The following PCDHB8 variants were observed in gnomAD, a reference collection of about 807,000 sequenced individuals.
PCDHB8 encodes protocadherin beta-8.
For synonymous variants in PCDHB8, 385 were observed against 448.5 expected, an observed-to-expected ratio of 0.86 and a Z score of 1.79; for missense variants, 836 against 1,004.0, an observed-to-expected ratio of 0.83 and a Z score of 2.26.
Position 141,178,694 on chromosome 5 carries a change from T to C in PCDHB8, c.660T>C (p.Ser220=), listed in dbSNP as rs138148090. ...RLTLTALDGG[S]PPRSGTAQVY... ...CACTCACAGCACTGGATGGTGGCTC[T>C]CCGCCCAGATCTGGCACTGCTCAGG... The change falls in exon 1 of 1, where the codon TCT becomes TCC. Residue 220 remains serine (S), a synonymous_variant. Transcript: ENST00000239444. The C allele has an allele frequency of 3.1e-6, 5 of 1,604,476 alleles. No homozygotes were observed. The African/African-American group carries it at 6.7e-5, about 21-fold the overall frequency.
Position 141,179,046 on chromosome 5 carries a change from G to T in PCDHB8, c.1012G>T (p.Val338Leu). Residue 338 changes from valine (V) to leucine (L), a missense_variant, in exon 1 of 1, where the codon GTG becomes TTG. Physicochemically the swap from Val to Leu is conservative, Grantham distance 32. Transcript: ENST00000239444. ...TGGAAAATGCACCGTTCTGATTCAA[G>T]TGATAGATGTGAACGACCATGCCCC... Reference protein sequence around the residue: ...FSGKCTVLIQVIDVNDHAPEV... With the variant: ...FSGKCTVLIQLIDVNDHAPEV... 4.3e-6 allele frequency: 7 copies of T among 1,614,246 alleles called. No homozygotes were observed. Among genetic ancestry groups the T allele is most frequent in the Non-Finnish European group, 4.2e-6 (5 of 1,180,042 alleles).
chr5:141,180,300 C>A lies in PCDHB8; in HGVS notation c.2266C>A (p.Leu756Met), dbSNP rs1171916503. Residue 756 changes from leucine (L) to methionine (M), a missense_variant, in exon 1 of 1, where the codon CTG (leucine) becomes ATG (methionine). By Grantham distance (15) the Leu-to-Met change is conservative. Coordinates refer to ENST00000239444, the MANE Select transcript of PCDHB8 (RefSeq NM_019120.5). ...TCAGAACTATCAGTACGAGGTGTGC[C>A]TGGCAGGAGGCTCAGGGACGAATGA... ...LSQNYQYEVC[L>M]AGGSGTNEFQ... 6.2e-7 allele frequency: 1 copy of A among 1,613,926 alleles called. No individual in the cohort carries two copies. The highest frequency in any genetic ancestry group is 2.2e-5 in the East Asian group (1 of 44,882).
Position 141,179,957 on chromosome 5 carries a change from G to A in PCDHB8, c.1923G>A (p.Leu641=). ...AGCGCGACGCGGCCAAGCAGAGGCT[G>A]GTGGTGCTGGTCAAGGACAATGGCG... is the stretch of plus-strand genomic sequence containing the variant. The part of the protein sequence containing the change: ...LSERDAAKQR[L]VVLVKDNGEP... The change falls in exon 1 of 1, where the codon CTG becomes CTA. Residue 641 remains leucine (L), a synonymous_variant. Coordinates refer to ENST00000239444, the MANE Select transcript of PCDHB8 (RefSeq NM_019120.5). The A allele has an allele frequency of 5.0e-6, 8 of 1,608,646 alleles. No homozygotes were observed. Among genetic ancestry groups the A allele is most frequent in the Non-Finnish European group, 5.9e-6 (7 of 1,179,600 alleles).
At position 141,179,552 on chromosome 5, in the gene PCDHB8, C is replaced by T. The variant is rs1554281264; in HGVS notation, c.1518C>T (p.Ser506=). The T allele has an allele frequency of 6.2e-7, 1 of 1,613,714 alleles. No homozygotes were observed. The highest frequency in any genetic ancestry group is 1.3e-5 in the African/African-American group (1 of 74,934). Residue 506 remains serine, a synonymous_variant, in exon 1 of 1, where the codon TCC becomes TCT. Coordinates refer to ENST00000239444, the MANE Select transcript of PCDHB8 (RefSeq NM_019120.5). The part of the protein sequence containing the change: ...DPHLPLASLV[S]INTDNGHLFA... ...ACCTGCCCCTCGCCTCCCTGGTCTC[C>T]ATCAACACAGACAACGGCCACCTGT...
At position 141,179,883 on chromosome 5, in the gene PCDHB8, G is replaced by C. The variant is rs782043465; in HGVS notation, c.1849G>C (p.Gly617Arg). 5.6e-6 allele frequency: 9 copies of C among 1,609,544 alleles called. No individual in the cohort carries two copies. The highest frequency in any genetic ancestry group is 7.6e-6 in the Non-Finnish European group (9 of 1,179,686). The change falls in exon 1 of 1, where the codon GGT (glycine) becomes CGT (arginine). Residue 617 changes from glycine (G) to arginine (R), a missense_variant. Transcript: ENST00000239444. ...LLKATEPGLF[G>R]VWAHNGEVRT... ...CAAGGCCACGGAGCCCGGGCTGTTC[G>C]GTGTGTGGGCGCACAATGGCGAGGT...
chr5:141,179,882 C>T lies in PCDHB8; in HGVS notation c.1848C>T (p.Phe616=), dbSNP rs267600429. 9.3e-6 allele frequency: 15 copies of T among 1,609,628 alleles called. No homozygotes were observed. The South Asian group carries it at 1.5e-4, about 17-fold the overall frequency. ...TCAAGGCCACGGAGCCCGGGCTGTTCGGTGTGTGGGCGCACAATGGCGAGG... is the reference window on the plus strand; with the variant it reads ...TCAAGGCCACGGAGCCCGGGCTGTTTGGTGTGTGGGCGCACAATGGCGAGG... The part of the protein sequence containing the change: ...QLLKATEPGL[F]GVWAHNGEVR... Residue 616 remains phenylalanine, a synonymous_variant, in exon 1 of 1, where the codon TTC becomes TTT. Transcript: ENST00000239444.
At position 141,178,739 on chromosome 5, in the gene PCDHB8, T is replaced by C. The variant is rs782505336; in HGVS notation, c.705T>C (p.Asp235=). The change falls in exon 1 of 1, where the codon GAT becomes GAC. Residue 235 remains aspartate, a synonymous_variant. Transcript: ENST00000239444. Reference sequence around the variant, plus strand: ...CTCAGGTCTACATTGAAGTTGTCGATGTCAATGATAATGCCCCTGAATTTG... The same window carrying C: ...CTCAGGTCTACATTGAAGTTGTCGACGTCAATGATAATGCCCCTGAATTTG... ...GTAQVYIEVV[D]VNDNAPEFEQ... 3.6e-5 allele frequency: 57 copies of C among 1,578,094 alleles called. No individual in the cohort carries two copies. Among genetic ancestry groups the C allele is most frequent in the Non-Finnish European group, 4.7e-5 (54 of 1,149,634 alleles).
Position 141,180,452 on chromosome 5 carries a change from T to G in PCDHB8, c.*12T>G, listed in dbSNP as rs201411501. 49 of 1,477,004 alleles carry G rather than the reference T, an allele frequency of 3.3e-5. 1 individual carries two copies. The African/African-American group carries it at 3.6e-4, about 11-fold the overall frequency. The allele number at this position is 1,477,004 out of a possible 1,614,324, so 91.5% of individuals were successfully genotyped here. A position where few individuals can be genotyped will look rare whatever the true frequency, so the allele number is the denominator to read the frequency against. On this transcript the variant is annotated 3_prime_UTR_variant, in exon 1 of 1. Transcript: ENST00000239444. The stretch of plus-strand genomic sequence containing the variant: ...TTCAGTTAAAGTAATTGATTTCATA[T>G]TATATATTTTAATTTTTATGATCAA...
Position 141,180,433 on chromosome 5 carries a change from T to C in PCDHB8, c.2399T>C (p.Leu800Ser), listed in dbSNP as rs782123767. 1 of 1,567,334 alleles carries C rather than the reference T, an allele frequency of 6.4e-7. No individual in the cohort carries two copies. The highest frequency in any genetic ancestry group is 8.7e-7 in the Non-Finnish European group (1 of 1,153,984). ...AATGGCTTTGGTTTCAGCCTTCAGTTAAAGTAATTGATTTCATATTATATA... is the reference window on the plus strand; with the variant it reads ...AATGGCTTTGGTTTCAGCCTTCAGTCAAAGTAATTGATTTCATATTATATA... ...FRNGFGFSLQ[L>S]K The change falls in exon 1 of 1, where the codon TTA (leucine) becomes TCA (serine). Residue 800 changes from leucine (L) to serine (S), a missense_variant. By Grantham distance (145) the Leu-to-Ser change is moderately radical (BLOSUM62 -2). Transcript: ENST00000239444.
Position 141,178,597 on chromosome 5 carries a change from A to T in PCDHB8, c.563A>T (p.Asp188Val). Residue 188 changes from aspartate (D) to valine (V), a missense_variant, in exon 1 of 1, where the codon GAT becomes GTT. Coordinates refer to ENST00000239444, the MANE Select transcript of PCDHB8 (RefSeq NM_019120.5). ...CGGGTCCTCACCCGCAAACGCAGTGATGGCAGGAAATACCCAGAGCTGGTG... is the reference window on the plus strand; with the variant it reads ...CGGGTCCTCACCCGCAAACGCAGTGTTGGCAGGAAATACCCAGAGCTGGTG... ...YFRVLTRKRS[D>V]GRKYPELVLD... 2.5e-6 allele frequency: 4 copies of T among 1,613,902 alleles called. No individual in the cohort carries two copies. Among genetic ancestry groups the T allele is most frequent in the Non-Finnish European group, 3.4e-6 (4 of 1,179,906 alleles).
rs1366182181 is a variant in PCDHB8 at position 141,179,330 on chromosome 5, G to A, written c.1296G>A (p.Leu432=). 5 of 1,614,126 alleles carry A rather than the reference G, an allele frequency of 3.1e-6. No individual in the cohort carries two copies. The African/African-American group carries it at 4.0e-5, about 13-fold the overall frequency. Reference sequence around the variant, plus strand: ...TCACTGACTTAGGGACACCCAGGCTGACAACACATCTCAATATGACCGTGC... The same window carrying A: ...TCACTGACTTAGGGACACCCAGGCTAACAACACATCTCAATATGACCGTGC... The part of the protein sequence containing the change: ...ITVTDLGTPR[L]TTHLNMTVLV... The change falls in exon 1 of 1, where the codon CTG becomes CTA. Residue 432 remains leucine (L), a synonymous_variant. Transcript: ENST00000239444.
chr5:141,180,079 G>C lies in PCDHB8; in HGVS notation c.2045G>C (p.Gly682Ala), dbSNP rs149161573. Residue 682 changes from glycine to alanine, a missense_variant, in exon 1 of 1, where the codon GGC becomes GCC. Gly to Ala is a moderately conservative substitution (Grantham distance 60). Transcript: ENST00000239444. ...LPLPEAAPAQ[G>A]QADSLTVYLV... is the part of the protein sequence containing the mutation. Reference sequence around the variant, plus strand: ...CTTCCGGAGGCTGCCCCAGCCCAGGGCCAGGCCGACTCTCTCACCGTCTAC... The same window carrying C: ...CTTCCGGAGGCTGCCCCAGCCCAGGCCCAGGCCGACTCTCTCACCGTCTAC... The C allele has an allele frequency of 6.3e-5, 102 of 1,609,798 alleles. No individual in the cohort carries two copies. Among genetic ancestry groups the C allele is most frequent in the African/African-American group, 1.7e-4 (13 of 74,882 alleles).
Position 141,179,580 on chromosome 5 carries a change from G to T in PCDHB8, c.1546G>T (p.Ala516Ser), listed in dbSNP as rs1392257522. The change falls in exon 1 of 1, where the codon GCC becomes TCC. Residue 516 changes from alanine to serine, a missense_variant. Transcript: ENST00000239444. ...SINTDNGHLFALRSLDYEALQ... is the reference protein window; with the variant it reads ...SINTDNGHLFSLRSLDYEALQ... ...CAACACAGACAACGGCCACCTGTTC[G>T]CCCTCAGGTCGCTGGACTACGAGGC... is the stretch of plus-strand genomic sequence containing the variant. 5.0e-6 allele frequency: 8 copies of T among 1,613,610 alleles called. No homozygotes were observed. The highest frequency in any genetic ancestry group is 6.8e-6 in the Non-Finnish European group (8 of 1,180,006).
At position 141,179,259 on chromosome 5, in the gene PCDHB8, C is replaced by G; in HGVS notation, c.1225C>G (p.Pro409Ala). ...GNFYTLLTET[P>A]LDRESRAEYN... ...CTTTTACACCCTACTAACAGAGACA[C>G]CACTAGACAGAGAAAGCAGAGCCGA... Residue 409 changes from proline (P) to alanine (A), a missense_variant, in exon 1 of 1, where the codon CCA becomes GCA. Physicochemically the swap from Pro to Ala is conservative, Grantham distance 27 (BLOSUM62 -1). Coordinates refer to ENST00000239444, the MANE Select transcript of PCDHB8 (RefSeq NM_019120.5). 2 of 1,614,248 alleles carry G rather than the reference C, an allele frequency of 1.2e-6. No individual in the cohort carries two copies. Among genetic ancestry groups the G allele is most frequent in the Non-Finnish European group, 1.7e-6 (2 of 1,180,052 alleles).
In PCDHB8 at chr5:141,180,470, A is replaced by G. The variant is rs782486687; in HGVS notation, c.*30A>G. ...TTTCATATTATATATTTTAATTTTT[A>G]TGATCAATTCAAAGGAATGGTTTTC... On this transcript the variant is annotated 3_prime_UTR_variant, in exon 1 of 1. Coordinates refer to ENST00000239444, the MANE Select transcript of PCDHB8 (RefSeq NM_019120.5). The G allele has an allele frequency of 7.8e-6, 11 of 1,403,518 alleles. No homozygotes were observed. The highest frequency in any genetic ancestry group is 1.6e-5 in the South Asian group (1 of 63,670). The allele number at this position is 1,403,518 out of a possible 1,614,324, so 86.9% of individuals were successfully genotyped here. A position where few individuals can be genotyped will look rare whatever the true frequency, so the allele number is the denominator to read the frequency against.
chr5:141,179,925 C>G lies in PCDHB8; in HGVS notation c.1891C>G (p.Leu631Val). The change falls in exon 1 of 1, where the codon CTG becomes GTG. Residue 631 changes from leucine to valine, a missense_variant. Physicochemically the swap from Leu to Val is conservative, Grantham distance 32. Coordinates refer to ENST00000239444, the MANE Select transcript of PCDHB8 (RefSeq NM_019120.5). ...HNGEVRTARL[L>V]SERDAAKQRL... ...TGGCGAGGTGCGCACCGCCAGGCTG[C>G]TGAGCGAGCGCGACGCGGCCAAGCA... The G allele has an allele frequency of 6.2e-7, 1 of 1,609,012 alleles. No individual in the cohort carries two copies. Among genetic ancestry groups the G allele is most frequent in the Non-Finnish European group, 8.5e-7 (1 of 1,179,556 alleles).
chr5:141,179,958 G>A lies in PCDHB8; in HGVS notation c.1924G>A (p.Val642Met). Residue 642 changes from valine to methionine, a missense_variant, in exon 1 of 1, where the codon GTG becomes ATG. Coordinates refer to ENST00000239444, the MANE Select transcript of PCDHB8 (RefSeq NM_019120.5). ...GCGCGACGCGGCCAAGCAGAGGCTG[G>A]TGGTGCTGGTCAAGGACAATGGCGA... ...SERDAAKQRL[V>M]VLVKDNGEPP... The A allele has an allele frequency of 6.2e-7, 1 of 1,608,682 alleles. No individual in the cohort carries two copies. Among genetic ancestry groups the A allele is most frequent in the Admixed American group, 1.7e-5 (1 of 59,998 alleles).
rs1485627443 is a variant in PCDHB8, at chr5:141,179,362, C to A, written c.1328C>A (p.Ser443Ter). 6.2e-7 allele frequency: 1 copy of A among 1,614,082 alleles called. No homozygotes were observed. ...TTHLNMTVLV[S>*]DVNDNAPAFT... ...CATCTCAATATGACCGTGCTGGTGT[C>A]GGACGTCAATGACAACGCCCCCGCC... Residue 443 changes from serine to a stop codon, truncating the protein, a stop_gained, in exon 1 of 1, where the codon TCG becomes TAG. Coordinates refer to ENST00000239444, the MANE Select transcript of PCDHB8 (RefSeq NM_019120.5). LOFTEE classifies it low-confidence loss of function (END_TRUNC).
Position 141,179,705 on chromosome 5 carries a change from C to A in PCDHB8, c.1671C>A (p.Asp557Glu). Residue 557 changes from aspartate to glutamate, a missense_variant, in exon 1 of 1, where the codon GAC becomes GAA. Coordinates refer to ENST00000239444, the MANE Select transcript of PCDHB8 (RefSeq NM_019120.5). Reference protein sequence around the residue: ...LVRVLVLDANDNSPFVLYPLQ... With the variant: ...LVRVLVLDANENSPFVLYPLQ... ...GCGTGCTGGTGCTGGACGCCAACGA[C>A]AACTCGCCCTTCGTGCTGTACCCGC... is the stretch of plus-strand genomic sequence containing the variant. 3 of 1,611,994 alleles carry A rather than the reference C, an allele frequency of 1.9e-6. No individual in the cohort carries two copies. Among genetic ancestry groups the A allele is most frequent in the Non-Finnish European group, 1.7e-6 (2 of 1,179,610 alleles).
Sources: allele counts gnomAD v4.1 joint callset, GRCh38; gene constraint gnomAD v4.1.1; transcripts MANE v1.5; gene names NCBI Gene and HGNC (gene_info 2026-07-23, HGNC 2026-07-21).